The following TRPM6 variants were observed in gnomAD, a reference collection of about 807,000 sequenced individuals.
TRPM6 encodes channel kinase 2.
Under a neutral mutation model 247.6 loss-of-function variants are expected in TRPM6, and 111 were observed. The observed-to-expected ratio is 0.45, with a 90% CI of 0.38 to 0.52. The LOEUF (loss-of-function observed/expected upper bound fraction) is 0.52. Ranked by LOEUF, TRPM6 falls within the 20% of genes least tolerant of loss-of-function variation. The pLI, the probability that TRPM6 is intolerant of heterozygous loss-of-function variation, is 0.00. For synonymous variants in TRPM6, 892 were observed against 853.8 expected, an observed-to-expected ratio of 1.04 and a Z score of -0.78; for missense variants, 2,126 against 2,421.5, an observed-to-expected ratio of 0.88 and a Z score of 2.56.
At chr9:74,819,941 T>C (rs893880397) in intron 9 of TRPM6, among the ~76,000 whole-genome samples, 44 of 152,232 alleles carry the variant, frequency 2.9e-4, no homozygotes, top group African/African-American at 1.1e-3. Context: ...TCTGTAGAGC[T>C]AGATACACTC....
chr9:74,808,207 T>C (rs373803593), intron 13 of TRPM6, 33 bp from the exon 14 acceptor site: 21 of 1,613,370 alleles, frequency 1.3e-5, no homozygotes, highest in Non-Finnish European at 1.7e-5. Context: ...CTTTTAACTT[T>C]TAGTTATCTT....
chr9:74,826,820 C>A (rs891713111), intron 7 of TRPM6: 1 of 149,636 alleles, frequency 6.7e-6, no homozygotes, highest in Admixed American at 6.8e-5. Context: ...CTCACTGTAA[C>A]CTCTACACCC....
At chr9:74,729,585 G>A (rs1019992179) in intron 37 of TRPM6, among the ~76,000 whole-genome samples, 1 of 152,134 alleles carries the variant, frequency 6.6e-6, no homozygotes, top group African/African-American at 2.4e-5. Flanking sequence ...GTACAGCTCT[G>A]GGGGTATTTA....
intron 21 of TRPM6, among the ~76,000 whole-genome samples, chr9:74,784,308 A>C (rs1344694584): frequency 1.3e-5 from 2 of 151,902 alleles, no homozygotes; most frequent in Non-Finnish European, 2.9e-5. Context: ...GAAAAAGCTG[A>C]CACAACTGTA....
chr9:74,792,247 C>T (rs1827929961), intron 19 of TRPM6, among the ~76,000 whole-genome samples: 1 of 152,224 alleles, frequency 6.6e-6, no homozygotes, highest in African/African-American at 2.4e-5. Flanking sequence ...GTTTTAACCA[C>T]AGTCACACTG....
intron 1 of TRPM6, chr9:74,887,285 C>A: frequency 7.4e-7 from 1 of 1,353,204 alleles, no homozygotes; most frequent in Non-Finnish European, 9.5e-7. Flanking sequence ...ACTGGGCGCA[C>A]GGGGACGCGC....
intron 24 of TRPM6, among the ~76,000 whole-genome samples, chr9:74,775,240 T>A (rs1827179471): frequency 6.6e-6 from 1 of 152,194 alleles, no homozygotes; most frequent in East Asian, 1.9e-4. Context: ...CCGAAGTGGC[T>A]ATTCACAGGC....
At chr9:74,776,287 C>A in intron 23 of TRPM6, 1 of 514,966 alleles carries the variant, frequency 1.9e-6, no homozygotes, top group Non-Finnish European at 3.6e-6. Flanking sequence ...GAATAACAAG[C>A]AGAAGGCAGA....
intron 11 of TRPM6, among the ~76,000 whole-genome samples, chr9:74,815,118 G>A (rs1030362122): frequency 6.6e-6 from 1 of 152,100 alleles, no homozygotes; most frequent in African/African-American, 2.4e-5. Flanking sequence ...GAGAACAAAG[G>A]TTGGGGGTGT....
At chr9:74,842,468 T>C (rs1394968584) in intron 3 of TRPM6, 125 bp from the exon 4 acceptor site, 3 of 1,011,862 alleles carry the variant, frequency 3.0e-6, no homozygotes, top group Non-Finnish European at 4.5e-6. Context: ...TTAAGGTTTA[T>C]ATTAAATTTC....
chr9:74,855,476 T>A (rs780560934), intron 3 of TRPM6, 51 bp downstream of exon 3: 1 of 1,328,832 alleles, frequency 7.5e-7, no homozygotes, highest in Admixed American at 1.7e-5. Flanking sequence ...CCAGTGAATT[T>A]TAAATAGGGT....
intron 1 of TRPM6, among the ~76,000 whole-genome samples, chr9:74,882,965 C>T (rs996968478): frequency 2.6e-5 from 4 of 152,150 alleles, no homozygotes; most frequent in African/African-American, 9.7e-5. Flanking sequence ...GGCCAATCTC[C>T]AGAACTTTTT....
At chr9:74,870,011 C>A (rs1830972919) in intron 1 of TRPM6, among the ~76,000 whole-genome samples, 1 of 152,060 alleles carries the variant, frequency 6.6e-6, no homozygotes, top group South Asian at 2.1e-4. Flanking sequence ...TTATTTTTGC[C>A]CCTCTTACCC....
intron 1 of TRPM6, among the ~76,000 whole-genome samples, chr9:74,872,574 G>A (rs139336536): frequency 6.6e-6 from 1 of 151,438 alleles, no homozygotes; most frequent in Non-Finnish European, 1.5e-5. Flanking sequence ...GGGACCACAG[G>A]TGCACACCAC....
chr9:74,803,485 G>C (rs148739004), intron 15 of TRPM6, among the ~76,000 whole-genome samples: 19 of 152,314 alleles, frequency 1.2e-4, no homozygotes, highest in African/African-American at 4.6e-4. Context: ...GCACATAAGA[G>C]TATGGTGTTG....
At chr9:74,764,123 C>CA (rs79224540) in intron 25 of TRPM6, among the ~76,000 whole-genome samples, 8,022 of 98,154 alleles carry the variant, frequency 0.082, 319 homozygotes, top group East Asian at 0.22. Context: ...GACTCCATCT[C>CA]AAAAAAAAAA....
chr9:74,862,758 A>C (rs1830728086), intron 1 of TRPM6, among the ~76,000 whole-genome samples: 1 of 152,074 alleles, frequency 6.6e-6, no homozygotes, highest in Non-Finnish European at 1.5e-5. Flanking sequence ...AAGGCGAGCA[A>C]GTCACTTGAG....
At chr9:74,877,945 C>A (rs2118504988) in intron 1 of TRPM6, among the ~76,000 whole-genome samples, 1 of 152,210 alleles carries the variant, frequency 6.6e-6, no homozygotes, top group East Asian at 1.9e-4. Context: ...AGAAGCCCAC[C>A]CTGTCCAACT....
chr9:74,838,675 G>A (rs1407963251), intron 5 of TRPM6, among the ~76,000 whole-genome samples: 1 of 152,142 alleles, frequency 6.6e-6, no homozygotes, highest in Non-Finnish European at 1.5e-5. Flanking sequence ...AAAGTGAGTA[G>A]CTCTAGTTGA....
Sources: allele counts gnomAD v4.1 joint callset (sites outside exome capture counted in the v4.1 genomes callset), GRCh38; gene constraint gnomAD v4.1.1; transcripts MANE v1.5; gene names NCBI Gene and HGNC (gene_info 2026-07-23, HGNC 2026-07-21).